The following CNTN5 variants were observed in gnomAD, a reference collection of about 807,000 sequenced individuals.
CNTN5 encodes the protein contactin 5.
CNTN5 carries 77 observed loss-of-function variants against 129.1 expected under a neutral mutation model. The ratio of observed to expected loss-of-function variants is 0.60; its 90% CI spans 0.50 to 0.72. CNTN5 has a LOEUF of 0.72. Ranked by LOEUF, CNTN5 falls within the 30% of genes least tolerant of loss-of-function variation. The probability of loss-of-function intolerance (pLI) is 0.00; values close to 1 mark genes in which losing one functional copy is unlikely to be tolerated. For synonymous variants in CNTN5, 509 were observed against 465.6 expected, an observed-to-expected ratio of 1.09 and a Z score of -1.20; for missense variants, 1,478 against 1,328.8, an observed-to-expected ratio of 1.11 and a Z score of -1.75.
Position 99,785,330 on chromosome 11 carries a change from T to C in CNTN5, c.56-34214T>C, listed in dbSNP as rs193232346. On this transcript the variant is annotated intron_variant, in intron 3 of 24. Coordinates refer to ENST00000524871, the MANE Select transcript of CNTN5 (RefSeq NM_014361.4). ...TTGTCAGATGGATAGATAGCAAAAA[T>C]TTTCTCCCATTCTGTAGGTTGTCTG... Among the ~76,000 whole-genome samples the C allele has an allele frequency of 2.4e-4, 37 of 152,224 alleles. 2 individuals are homozygous for C. In the East Asian group the frequency reaches 6.8e-3, roughly 28 times the overall value.
chr11:99,037,470 G>A (rs1863793861), intron 1 of CNTN5, among the ~76,000 whole-genome samples: 2 of 151,302 alleles, frequency 1.3e-5, no homozygotes, highest in South Asian at 4.2e-4. Context: ...TTGAGTCACA[G>A]TACTACCAAA....
At chr11:99,193,245 G>T (rs539074060) in intron 1 of CNTN5, among the ~76,000 whole-genome samples, 1 of 151,530 alleles carries the variant, frequency 6.6e-6, no homozygotes, top group African/African-American at 2.4e-5. Context: ...ATATACAATT[G>T]TTAATACATA....
intron 9 of CNTN5, among the ~76,000 whole-genome samples, chr11:100,025,073 C>A (rs1032131715): frequency 3.9e-5 from 6 of 152,218 alleles, no homozygotes; most frequent in African/African-American, 1.2e-4. Flanking sequence ...GTCTTCACTG[C>A]AACCCTTCCC....
chr11:99,955,363 A>T (rs1200895115), intron 7 of CNTN5, among the ~76,000 whole-genome samples: 1 of 151,858 alleles, frequency 6.6e-6, no homozygotes, highest in Non-Finnish European at 1.5e-5. Context: ...AGTCATGTGG[A>T]TATTTTAAAT....
Position 100,340,488 on chromosome 11 carries a change from A to G in CNTN5, c.2756A>G (p.Gln919Arg). The change falls in exon 22 of 25, where the codon CAG becomes CGG. Residue 919 changes from glutamine (Q) to arginine (R), a missense_variant. Coordinates refer to ENST00000524871, the MANE Select transcript of CNTN5 (RefSeq NM_014361.4). ...GTTGGTTACTGGAAAGACATGGAAC[A>G]GGAAGATACAGCAGAAACAGTCAAA... ...FEVGYWKDME[Q>R]EDTAETVKTR... is the part of the protein sequence containing the mutation. 3 of 1,611,882 alleles carry G rather than the reference A, an allele frequency of 1.9e-6. No individual in the cohort carries two copies. The highest frequency in any genetic ancestry group is 1.1e-5 in the South Asian group (1 of 90,656).
At chr11:99,483,366 G>A (rs1322999754) in intron 2 of CNTN5, among the ~76,000 whole-genome samples, 1 of 152,086 alleles carries the variant, frequency 6.6e-6, no homozygotes, top group African/African-American at 2.4e-5. Context: ...CTCATGCACA[G>A]TGTCAACAAT....
chr11:100,177,639 T>C (rs1948008477), intron 13 of CNTN5, among the ~76,000 whole-genome samples: 1 of 152,176 alleles, frequency 6.6e-6, no homozygotes, highest in African/African-American at 2.4e-5. Context: ...GTGTCTCTGT[T>C]TAGCACTTAT....
At chr11:99,655,942 A>G (rs1033066940) in intron 3 of CNTN5, among the ~76,000 whole-genome samples, 1 of 152,042 alleles carries the variant, frequency 6.6e-6, no homozygotes, top group African/African-American at 2.4e-5. Context: ...ATATACACAC[A>G]CGTGTATATA....
intron 1 of CNTN5, among the ~76,000 whole-genome samples, chr11:99,291,368 A>G (rs930617325): frequency 1.3e-5 from 2 of 151,880 alleles, no homozygotes; most frequent in African/African-American, 4.8e-5. Context: ...GAATAACAAC[A>G]CTGGTAGATA....
At chr11:99,304,973 A>G (rs757846199) in intron 1 of CNTN5, among the ~76,000 whole-genome samples, 16 of 152,176 alleles carry the variant, frequency 1.1e-4, no homozygotes, top group Non-Finnish European at 2.1e-4. Context: ...CTGTTAGCCC[A>G]CAGATCTGGG....
intron 15 of CNTN5, among the ~76,000 whole-genome samples, chr11:100,200,801 T>TA (rs1485058129): frequency 2.0e-5 from 3 of 151,966 alleles, no homozygotes; most frequent in African/African-American, 7.2e-5. Flanking sequence ...TTTGCTCTCC[T>TA]AGGTTGTAAA....
At chr11:99,882,049 A>T (rs952091445) in intron 6 of CNTN5, among the ~76,000 whole-genome samples, 2 of 152,192 alleles carry the variant, frequency 1.3e-5, no homozygotes, top group Non-Finnish European at 2.9e-5. Context: ...AATTGTGGAG[A>T]GGCATATAAC....
intron 1 of CNTN5, among the ~76,000 whole-genome samples, chr11:99,184,193 T>A (rs2135573309): frequency 6.6e-6 from 1 of 152,216 alleles, no homozygotes; most frequent in South Asian, 2.1e-4. Context: ...CAAGATAAAA[T>A]TTTACTTCTT....
chr11:99,598,359 T>C (rs868459683), intron 3 of CNTN5, among the ~76,000 whole-genome samples: 664 of 59,730 alleles, frequency 0.011, 102 homozygotes, highest in African/African-American at 0.033. Flanking sequence ...TCTCTCTCTC[T>C]CTCTCTCTCT....
chr11:99,777,422 A>T (rs1945162286), intron 3 of CNTN5, among the ~76,000 whole-genome samples: 1 of 151,898 alleles, frequency 6.6e-6, no homozygotes, highest in African/African-American at 2.4e-5. Flanking sequence ...ATAAATCACG[A>T]ATGTATAAAT....
At chr11:100,103,513 A>T (rs369158432) in intron 13 of CNTN5, among the ~76,000 whole-genome samples, 16 of 152,194 alleles carry the variant, frequency 1.1e-4, no homozygotes, top group African/African-American at 3.9e-4. Context: ...TAGCTCCCTA[A>T]CCTTACTGTG....
intron 2 of CNTN5, among the ~76,000 whole-genome samples, chr11:99,534,680 G>A (rs906648174): frequency 5.9e-5 from 9 of 152,096 alleles, no homozygotes; most frequent in African/African-American, 1.7e-4. Context: ...TGCTGTACAA[G>A]TTGTGACATA....
chr11:100,103,944 A>C (rs1340104403), intron 13 of CNTN5, among the ~76,000 whole-genome samples: 1 of 152,212 alleles, frequency 6.6e-6, no homozygotes, highest in African/African-American at 2.4e-5. Context: ...TTACGAAATA[A>C]GTAGAACTTG....
chr11:99,029,669 A>G (rs1008542444), intron 1 of CNTN5, among the ~76,000 whole-genome samples: 1 of 152,152 alleles, frequency 6.6e-6, no homozygotes, highest in African/African-American at 2.4e-5. Flanking sequence ...TAATGCAAAG[A>G]GAGAGGTTAA....
Sources: allele counts gnomAD v4.1 joint callset (sites outside exome capture counted in the v4.1 genomes callset), GRCh38; gene constraint gnomAD v4.1.1; transcripts MANE v1.5; gene names NCBI Gene and HGNC (gene_info 2026-07-23, HGNC 2026-07-21).